FBXL5: variants seen among roughly 807,000 people sequenced by gnomAD.
The protein encoded by FBXL5 is F-box and leucine rich repeat protein 5.
A neutral mutation model predicts 78.3 loss-of-function variants in FBXL5; 26 were observed. The ratio of observed to expected loss-of-function variants is 0.33; its 90% CI spans 0.24 to 0.46. FBXL5 has a LOEUF of 0.46. Ranked by LOEUF, FBXL5 falls within the 20% of genes least tolerant of loss-of-function variation. The probability of loss-of-function intolerance (pLI) is 1.00; values close to 1 mark genes in which losing one functional copy is unlikely to be tolerated. For missense variants in FBXL5, 710 were observed against 829.2 expected, an observed-to-expected ratio of 0.86 and a Z score of 1.77; for synonymous variants, 295 against 282.5, an observed-to-expected ratio of 1.04 and a Z score of -0.45.
chr4:15,665,096 T>G (rs1478673028), intron 1 of FBXL5, among the ~76,000 whole-genome samples: 1 of 152,150 alleles, frequency 6.6e-6, no homozygotes, highest in African/African-American at 2.4e-5. Flanking sequence ...CTACCCCAGA[T>G]GAAAACTGAG....
intron 1 of FBXL5, among the ~76,000 whole-genome samples, chr4:15,674,917 G>A (rs956119799): frequency 6.6e-6 from 1 of 152,056 alleles, no homozygotes; most frequent in Non-Finnish European, 1.5e-5. Flanking sequence ...CCAAAGTGCT[G>A]GGATTACAGG....
intron 1 of FBXL5, among the ~76,000 whole-genome samples, chr4:15,671,143 C>A (rs1383986720): frequency 6.6e-6 from 1 of 151,748 alleles, no homozygotes; most frequent in Admixed American, 6.6e-5. Context: ...AGGCTGGTCT[C>A]GAACTCCTGA....
At chr4:15,636,221 C>G (rs1033884613) in intron 5 of FBXL5, among the ~76,000 whole-genome samples, 1 of 152,078 alleles carries the variant, frequency 6.6e-6, no homozygotes, top group African/African-American at 2.4e-5. Flanking sequence ...TATCACTTAT[C>G]TTCAATAATT....
chr4:15,624,512 T>C (rs1310022653), intron 9 of FBXL5, among the ~76,000 whole-genome samples: 2 of 151,058 alleles, frequency 1.3e-5, no homozygotes, highest in Non-Finnish European at 2.9e-5. Flanking sequence ...GTGGGTCCTA[T>C]AAAACATATA....
chr4:15,676,692 CG>C (rs940748173), intron 1 of FBXL5, among the ~76,000 whole-genome samples: 1 of 148,306 alleles, frequency 6.7e-6, no homozygotes, highest in Non-Finnish European at 1.5e-5. Flanking sequence ...ATGAGTATTA[CG>C]GGGGGGAGGG....
intron 10 of FBXL5, among the ~76,000 whole-genome samples, chr4:15,607,140 A>G (rs780922335): frequency 1.3e-5 from 2 of 152,194 alleles, no homozygotes; most frequent in African/African-American, 2.4e-5. Context: ...TTTTAAGTTG[A>G]TATGACACCT....
chr4:15,641,109 T>C (rs1714826079), intron 2 of FBXL5, among the ~76,000 whole-genome samples: 1 of 152,120 alleles, frequency 6.6e-6, no homozygotes, highest in Non-Finnish European at 1.5e-5. Flanking sequence ...ATAAAAAGTC[T>C]AAAAATAGCA....
At chr4:15,621,959 GCTGGAACTACAGGT>G (rs1712527850) in intron 9 of FBXL5, among the ~76,000 whole-genome samples, 2 of 152,168 alleles carry the variant, frequency 1.3e-5, no homozygotes, top group Admixed American at 1.3e-4. Flanking sequence ...TTCCTGAGTA[GCTGGAACTACAGGT>G]GCATGCCACC....
chr4:15,615,175 C>T (rs1375868162), intron 9 of FBXL5, among the ~76,000 whole-genome samples: 1 of 152,196 alleles, frequency 6.6e-6, no homozygotes, highest in Non-Finnish European at 1.5e-5. Flanking sequence ...GGACCTGCAG[C>T]CTGCCATGCC....
At chr4:15,632,151 A>G (rs1307541842) in intron 5 of FBXL5, among the ~76,000 whole-genome samples, 1 of 152,186 alleles carries the variant, frequency 6.6e-6, no homozygotes, top group Non-Finnish European at 1.5e-5. Flanking sequence ...CAGTTTTCCC[A>G]GCACCATTTA....
chr4:15,640,498 G>A (rs776568188), intron 3 of FBXL5, among the ~76,000 whole-genome samples: 1 of 151,338 alleles, frequency 6.6e-6, no homozygotes, highest in Non-Finnish European at 1.5e-5. Flanking sequence ...AGACATTAGG[G>A]TAGCATAAGT....
chr4:15,645,577 GC>G (rs1475182800), intron 1 of FBXL5, among the ~76,000 whole-genome samples: 1 of 151,964 alleles, frequency 6.6e-6, no homozygotes, highest in Admixed American at 6.6e-5. Context: ...ACAGGTGCTC[GC>G]CACCACGCCC....
intron 5 of FBXL5, among the ~76,000 whole-genome samples, chr4:15,633,002 T>C (rs13122812): frequency 0.1 from 15,975 of 152,274 alleles, 1,109 homozygotes; most frequent in Non-Finnish European, 0.15. Flanking sequence ...AAGGGAATGC[T>C]TCCAGTTTTT....
chr4:15,650,257 T>C (rs1036483073), intron 1 of FBXL5, among the ~76,000 whole-genome samples: 3 of 152,370 alleles, frequency 2.0e-5, no homozygotes, highest in South Asian at 4.1e-4. Context: ...TAAGAAATGT[T>C]GCTCTAGAAA....
chr4:15,630,134 T>C (rs1713471306), intron 6 of FBXL5, among the ~76,000 whole-genome samples: 1 of 152,230 alleles, frequency 6.6e-6, no homozygotes, highest in Admixed American at 6.5e-5. Context: ...TTATCCATCC[T>C]TGAACTCTCC....
At chr4:15,645,101 A>C (rs1314198494) in intron 1 of FBXL5, among the ~76,000 whole-genome samples, 1 of 152,138 alleles carries the variant, frequency 6.6e-6, no homozygotes, top group Non-Finnish European at 1.5e-5. Context: ...GGGTAGATGA[A>C]AGGGGAAAAG....
intron 1 of FBXL5, among the ~76,000 whole-genome samples, chr4:15,670,396 G>C (rs1717710995): frequency 1.3e-5 from 2 of 152,136 alleles, no homozygotes; most frequent in African/African-American, 2.4e-5. Context: ...AGTATTCTTT[G>C]CTCTAGAATC....
chr4:15,618,915 A>C (rs888537345), intron 9 of FBXL5, among the ~76,000 whole-genome samples: 1 of 152,156 alleles, frequency 6.6e-6, no homozygotes, highest in Non-Finnish European at 1.5e-5. Flanking sequence ...CATGCCTGTA[A>C]TCCCAGCACT....
chr4:15,680,797 G>A (rs1348675237), intron 1 of FBXL5, among the ~76,000 whole-genome samples: 1 of 151,748 alleles, frequency 6.6e-6, no homozygotes, highest in Non-Finnish European at 1.5e-5. Flanking sequence ...TTAAGTTTCA[G>A]AGTTGAAATT....
Sources: gnomAD v4.1 joint callset for allele counts (sites outside exome capture counted in the v4.1 genomes callset) on GRCh38, gnomAD v4.1.1 for gene constraint, MANE v1.5 for transcripts, NCBI Gene and HGNC (gene_info 2026-07-23, HGNC 2026-07-21) for gene names.